Variants in LRP2 observed in about 807,000 individuals in gnomAD.
LRP2 encodes the protein low-density lipoprotein receptor-related protein 2.
Under a neutral mutation model 531.0 loss-of-function variants are expected in LRP2, and 172 were observed. That is an observed-to-expected ratio of 0.32 (90% confidence interval 0.29 to 0.37). The LOEUF (loss-of-function observed/expected upper bound fraction) is 0.37. Among genes scored for constraint, LRP2 ranks in the 10% least tolerant of loss-of-function variants. LRP2 has a pLI of 1.00. For missense variants in LRP2, 5,167 were observed against 5,868.3 expected (o/e 0.88, Z 3.90); for synonymous variants, 1,992 against 2,027.6 (o/e 0.98, Z 0.47).
At chr2:169,217,395 C>A (rs2300447) in intron 34 of LRP2, among the ~76,000 whole-genome samples, 74,033 of 151,780 alleles carry the variant, frequency 0.49, 18,811 homozygotes, top group South Asian at 0.66. Context: ...TCGACCAAAA[C>A]CTCTCATTTC....
At chr2:169,176,267 G>A in intron 54 of LRP2, 144 bp downstream of exon 54, 1 of 855,732 alleles carries the variant, frequency 1.2e-6, no homozygotes, top group South Asian at 1.5e-5. Context: ...GTTGGAGGCT[G>A]AGAGTCTTGC....
chr2:169,274,922 T>C, intron 14 of LRP2, 114 bp downstream of exon 14: 2 of 1,034,304 alleles, frequency 1.9e-6, no homozygotes, highest in Non-Finnish European at 1.5e-6. Context: ...CTTCATATAC[T>C]TGAGAATGCC....
chr2:169,182,636 G>T, intron 50 of LRP2: 2 of 985,358 alleles, frequency 2.0e-6, no homozygotes, highest in African/African-American at 1.7e-5. Flanking sequence ...CAGTGCAAAG[G>T]CTTAGCAGAA....
chr2:169,272,526 C>A (rs1004680624), intron 15 of LRP2, among the ~76,000 whole-genome samples: 1 of 152,014 alleles, frequency 6.6e-6, no homozygotes, highest in African/African-American at 2.4e-5. Context: ...GGGAGAAGTA[C>A]AGTACTTCCC....
intron 68 of LRP2, 62 bp downstream of exon 68, chr2:169,150,836 T>C (rs1189006274): frequency 1.2e-6 from 2 of 1,602,620 alleles, no homozygotes; most frequent in East Asian, 4.5e-5. Context: ...ATAAGAAACA[T>C]GGAATTTGAT....
At position 169,177,967 on chromosome 2, in the gene LRP2, G is replaced by A; in HGVS notation, c.10229C>T (p.Pro3410Leu). ...GTCTTCAAAAATGGTAATAGCGAAAGGGTGAGGCAGTGCCCCATCATACAC... is the reference window on the plus strand; with the variant it reads ...GTCTTCAAAAATGGTAATAGCGAAAAGGTGAGGCAGTGCCCCATCATACAC... The part of the protein sequence containing the change: ...HTVYDGALPH[P>L]FAITIFEDTI... The change falls in exon 53 of 79, where the codon CCT becomes CTT. Residue 3410 changes from proline (P) to leucine (L), a missense_variant. This residue lies in a region of LRP2 where 1,129 missense variants were observed against 1,362.7 expected (regional missense o/e 0.83). Transcript: ENST00000649046. The A allele has an allele frequency of 6.2e-7, 1 of 1,614,220 alleles. No homozygotes were observed. The highest frequency in any genetic ancestry group is 8.5e-7 in the Non-Finnish European group (1 of 1,180,036).
intron 16 of LRP2, among the ~76,000 whole-genome samples, chr2:169,268,367 T>C (rs564929494): frequency 6.6e-6 from 1 of 152,184 alleles, no homozygotes; most frequent in Non-Finnish European, 1.5e-5. Context: ...AATAAAATAC[T>C]GGCAAACCGA....
At chr2:169,347,989 T>C (rs1285523396) in intron 1 of LRP2, among the ~76,000 whole-genome samples, 1 of 152,192 alleles carries the variant, frequency 6.6e-6, no homozygotes, top group Non-Finnish European at 1.5e-5. Flanking sequence ...TTGCTCCAAA[T>C]TATCCATGGT....
chr2:169,269,276 A>G (rs1490398579), intron 16 of LRP2, among the ~76,000 whole-genome samples: 2 of 152,330 alleles, frequency 1.3e-5, no homozygotes, highest in South Asian at 4.1e-4. Flanking sequence ...ATGGAACCAA[A>G]AAAGAGCCTG....
intron 18 of LRP2, 72 bp downstream of exon 18, chr2:169,257,052 C>T (rs1690331408): frequency 2.5e-6 from 4 of 1,583,724 alleles, no homozygotes; most frequent in Non-Finnish European, 3.5e-6. Context: ...ACCATCATAT[C>T]ACCCAACCTG....
chr2:169,173,870 T>G, intron 56 of LRP2, 49 bp downstream of exon 56: 1 of 1,612,280 alleles, frequency 6.2e-7, no homozygotes, highest in Non-Finnish European at 8.5e-7. Flanking sequence ...GGAAGTTTCC[T>G]CGTGTCTCCC....
chr2:169,133,392 C>T (rs1015302405), intron 76 of LRP2, among the ~76,000 whole-genome samples: 6 of 152,188 alleles, frequency 3.9e-5, no homozygotes, highest in African/African-American at 1.4e-4. Context: ...TACATGGCCT[C>T]ATTTTATTTT....
intron 71 of LRP2, among the ~76,000 whole-genome samples, chr2:169,141,810 C>T (rs1387206330): frequency 6.6e-6 from 1 of 152,120 alleles, no homozygotes; most frequent in Admixed American, 6.5e-5. Context: ...AATATTTCCC[C>T]AGTAGCGTTG....
intron 4 of LRP2, among the ~76,000 whole-genome samples, chr2:169,305,681 A>G (rs1381816349): frequency 6.6e-6 from 1 of 152,222 alleles, no homozygotes; most frequent in African/African-American, 2.4e-5. Context: ...GAAGTTTGAA[A>G]TATAAATTTA....
At chr2:169,359,166 C>T (rs1686078045) in intron 1 of LRP2, among the ~76,000 whole-genome samples, 1 of 152,024 alleles carries the variant, frequency 6.6e-6, no homozygotes. Context: ...TATTTTATCT[C>T]TTTATGCTTA....
At chr2:169,231,396 A>G (rs1329695492) in intron 31 of LRP2, among the ~76,000 whole-genome samples, 2 of 152,208 alleles carry the variant, frequency 1.3e-5, no homozygotes, top group African/African-American at 4.8e-5. Context: ...GAGAATGTTT[A>G]CTTCTTAGGT....
chr2:169,237,068 TG>T, intron 28 of LRP2, 34 bp downstream of exon 28: 1 of 1,558,206 alleles, frequency 6.4e-7, no homozygotes, highest in South Asian at 1.1e-5. Flanking sequence ...ATCATAACCA[TG>T]TCAAGGCAAC....
intron 12 of LRP2, 87 bp from the exon 13 acceptor site, chr2:169,278,038 G>T: frequency 9.4e-7 from 1 of 1,066,928 alleles, no homozygotes; most frequent in Non-Finnish European, 1.4e-6. Context: ...TGGATCAATG[G>T]AAATTTTATC....
rs1689587762 is a variant in LRP2 at position 169,235,920 on chromosome 2, A to G, written c.4840T>C (p.Phe1614Leu). Residue 1614 changes from phenylalanine to leucine, a missense_variant, in exon 29 of 79, where the codon TTC becomes CTC. Coordinates refer to ENST00000649046, the MANE Select transcript of LRP2 (RefSeq NM_004525.3). ...ATGTAATCAAGATAGGAGTCCATGAAGTAGAGCAGTCTGTTGGGGTAGTCA... is the reference window on the plus strand; with the variant it reads ...ATGTAATCAAGATAGGAGTCCATGAGGTAGAGCAGTCTGTTGGGGTAGTCA... ...TIDYPNRLLYFMDSYLDYMDF... is the reference protein window; with the variant it reads ...TIDYPNRLLYLMDSYLDYMDF... 1 of 1,614,098 alleles carries G rather than the reference A, an allele frequency of 6.2e-7. No individual in the cohort carries two copies. Among genetic ancestry groups the G allele is most frequent in the Non-Finnish European group, 8.5e-7 (1 of 1,180,042 alleles).
Sources: allele counts gnomAD v4.1 joint callset (sites outside exome capture counted in the v4.1 genomes callset), GRCh38; gene constraint gnomAD v4.1.1; regional missense constraint gnomAD v4.1.1; transcripts MANE v1.5; gene names NCBI Gene and HGNC (gene_info 2026-07-23, HGNC 2026-07-21).